CPED1: variants seen among roughly 807,000 people sequenced by gnomAD.
The protein encoded by CPED1 is cadherin-like and PC-esterase domain-containing protein 1.
A neutral mutation model predicts 128.2 loss-of-function variants in CPED1; 114 were observed. The ratio of observed to expected loss-of-function variants is 0.89; its 90% CI spans 0.76 to 1.04. CPED1 has a LOEUF of 1.04. Ranked by LOEUF, CPED1 falls within the 50% of genes least tolerant of loss-of-function variation. The probability of loss-of-function intolerance (pLI) is 0.00; values close to 1 mark genes in which losing one functional copy is unlikely to be tolerated. For synonymous variants in CPED1, 462 were observed against 426.7 expected, an observed-to-expected ratio of 1.08 and a Z score of -1.02; for missense variants, 1,211 against 1,207.1, an observed-to-expected ratio of 1.00 and a Z score of -0.05.
intron 10 of CPED1, among the ~76,000 whole-genome samples, chr7:121,128,073 T>C (rs1795553233): frequency 6.6e-6 from 1 of 152,140 alleles, no homozygotes. Flanking sequence ...TTTGGGCAAA[T>C]GCCAATGAAT....
At chr7:121,236,647 T>G (rs1412977190) in intron 16 of CPED1, 67 bp from the exon 17 acceptor site, 25 of 960,024 alleles carry the variant, frequency 2.6e-5, no homozygotes, top group Non-Finnish European at 3.5e-5. Context: ...AAGTCTTATT[T>G]TTTAGATTTT....
At chr7:121,081,232 CA>C (rs1794286110) in intron 5 of CPED1, among the ~76,000 whole-genome samples, 1 of 152,136 alleles carries the variant, frequency 6.6e-6, no homozygotes, top group African/African-American at 2.4e-5. Flanking sequence ...AGAGTTGCAG[CA>C]AACTATAAAC....
chr7:121,078,245 A>T (rs745476795), intron 5 of CPED1, among the ~76,000 whole-genome samples: 3 of 152,040 alleles, frequency 2.0e-5, no homozygotes, highest in Non-Finnish European at 4.4e-5. Context: ...GGGTTTCATC[A>T]TGTTGGCCAG....
chr7:121,285,615 C>T (rs1277132616), intron 22 of CPED1, among the ~76,000 whole-genome samples: 6 of 152,212 alleles, frequency 3.9e-5, no homozygotes, highest in Admixed American at 3.3e-4. Flanking sequence ...CCACCAGTCT[C>T]TTTGCTAAAG....
At chr7:121,004,878 A>G (rs573027273) in intron 2 of CPED1, among the ~76,000 whole-genome samples, 1 of 152,312 alleles carries the variant, frequency 6.6e-6, no homozygotes, top group South Asian at 2.1e-4. Context: ...ACAATTAACA[A>G]ATGGACTAAT....
chr7:121,287,707 C>T (rs1214357715), intron 22 of CPED1, among the ~76,000 whole-genome samples: 4 of 151,990 alleles, frequency 2.6e-5, no homozygotes, highest in African/African-American at 9.7e-5. Context: ...CCCTGTTTTC[C>T]CCCAAATTCT....
intron 13 of CPED1, among the ~76,000 whole-genome samples, chr7:121,134,821 G>A (rs898260119): frequency 9.9e-5 from 15 of 151,736 alleles, no homozygotes; most frequent in Non-Finnish European, 2.2e-4. Context: ...CCTCTATTAA[G>A]GGGCCATTTA....
intron 2 of CPED1, among the ~76,000 whole-genome samples, chr7:121,012,479 A>G (rs1357985556): frequency 1.3e-5 from 2 of 152,240 alleles, no homozygotes; most frequent in African/African-American, 4.8e-5. Context: ...CATTAAAAAT[A>G]TACCTTTGGA....
intron 14 of CPED1, among the ~76,000 whole-genome samples, chr7:121,139,681 A>G (rs982463402): frequency 3.3e-5 from 5 of 152,144 alleles, no homozygotes; most frequent in Admixed American, 6.6e-5. Flanking sequence ...ATGAGAAACC[A>G]CTAAAGAATG....
chr7:121,181,369 A>G (rs928512206), intron 16 of CPED1, among the ~76,000 whole-genome samples: 5 of 152,074 alleles, frequency 3.3e-5, no homozygotes, highest in Non-Finnish European at 7.4e-5. Flanking sequence ...TAAAATTTTG[A>G]AATATTTACT....
At chr7:121,152,240 C>A (rs1796176068) in intron 16 of CPED1, among the ~76,000 whole-genome samples, 1 of 152,070 alleles carries the variant, frequency 6.6e-6, no homozygotes. Flanking sequence ...CCTCCACATC[C>A]CCCAGCTCCC....
intron 16 of CPED1, among the ~76,000 whole-genome samples, chr7:121,232,212 T>C (rs1315944866): frequency 6.6e-6 from 1 of 152,142 alleles, no homozygotes; most frequent in Non-Finnish European, 1.5e-5. Context: ...AAGTTTTTTT[T>C]CCATTCCCCC....
chr7:120,995,972 T>C (rs75769110), intron 2 of CPED1, among the ~76,000 whole-genome samples: 2,014 of 122,866 alleles, frequency 0.016, 36 homozygotes, highest in African/African-American at 0.045. Context: ...TCCTCCTCCT[T>C]CTTCTTCTTC....
intron 3 of CPED1, among the ~76,000 whole-genome samples, chr7:121,032,545 G>A (rs1479996842): frequency 8.0e-5 from 12 of 149,466 alleles, no homozygotes; most frequent in Non-Finnish European, 1.6e-4. Flanking sequence ...TCAGGGTGTC[G>A]GGGTGGTGGG....
intron 16 of CPED1, among the ~76,000 whole-genome samples, chr7:121,148,442 A>C (rs144472177): frequency 3.7e-4 from 56 of 152,266 alleles, no homozygotes; most frequent in African/African-American, 1.2e-3. Flanking sequence ...GTGATTTTTT[A>C]ATCCTCCTCT....
chr7:121,245,386 A>G (rs755671897), intron 18 of CPED1, among the ~76,000 whole-genome samples: 1 of 152,112 alleles, frequency 6.6e-6, no homozygotes, highest in African/African-American at 2.4e-5. Context: ...TTAATTGAGC[A>G]TTGATTTTGT....
chr7:121,046,849 T>C (rs776066168), intron 3 of CPED1, 38 bp from the exon 4 acceptor site: 2 of 1,345,782 alleles, frequency 1.5e-6, no homozygotes, highest in African/African-American at 1.5e-5. Flanking sequence ...AAATATCTGA[T>C]GAAAACTTAT....
chr7:121,263,843 A>G (rs1195191248), intron 18 of CPED1, among the ~76,000 whole-genome samples: 1 of 152,066 alleles, frequency 6.6e-6, no homozygotes, highest in Non-Finnish European at 1.5e-5. Context: ...AACTACAAGA[A>G]AAACCCACAC....
At chr7:121,068,065 G>A (rs925558092) in intron 5 of CPED1, among the ~76,000 whole-genome samples, 10 of 152,222 alleles carry the variant, frequency 6.6e-5, no homozygotes, top group South Asian at 6.2e-4. Flanking sequence ...TCTGTAGGTC[G>A]CCTGTTCACT....
Sources: gnomAD v4.1 joint callset for allele counts (sites outside exome capture counted in the v4.1 genomes callset) on GRCh38, gnomAD v4.1.1 for gene constraint, MANE v1.5 for transcripts, NCBI Gene and HGNC (gene_info 2026-07-23, HGNC 2026-07-21) for gene names.